Variants in SH3GL2 observed in about 807,000 individuals in gnomAD.
SH3GL2 encodes SH3 domain containing GRB2 like 2, endophilin A1.
SH3GL2 carries 24 observed loss-of-function variants against 46.0 expected under a neutral mutation model. The ratio of observed to expected loss-of-function variants is 0.52; its 90% CI spans 0.38 to 0.73. The LOEUF (loss-of-function observed/expected upper bound fraction) is 0.73. SH3GL2 is among the 30% of genes least tolerant of loss of function. SH3GL2 has a pLI of 0.00. For missense variants in SH3GL2, 413 were observed against 424.2 expected (o/e 0.97, Z 0.23); for synonymous variants, 196 against 147.1 (o/e 1.33, Z -2.40).
Position 17,786,516 on chromosome 9 carries a change from G to T in SH3GL2, c.323G>T (p.Cys108Phe). 2 of 1,613,234 alleles carry T rather than the reference G, an allele frequency of 1.2e-6. No individual in the cohort carries two copies. The highest frequency in any genetic ancestry group is 1.7e-6 in the Non-Finnish European group (2 of 1,179,516). Residue 108 changes from cysteine to phenylalanine, a missense_variant, in exon 4 of 9, where the codon TGC becomes TTC. By Grantham distance (205) the Cys-to-Phe change is radical. This residue lies in a region of SH3GL2 where 160 missense variants were observed against 192.3 expected (regional missense o/e 0.83). Transcript: ENST00000380607. Reference sequence around the variant, plus strand: ...TTTGGAAGAGAGCTTGGAGATGATTGCAACTTTGGTAACAAGTGCTTCCTC... The same window carrying T: ...TTTGGAAGAGAGCTTGGAGATGATTTCAACTTTGGTAACAAGTGCTTCCTC... ...LKFGRELGDD[C>F]NFGPALGEVG...
intron 1 of SH3GL2, among the ~76,000 whole-genome samples, chr9:17,622,481 C>A (rs753491901): frequency 1.1e-4 from 17 of 152,048 alleles, no homozygotes; most frequent in Admixed American, 3.9e-4. Context: ...GGTGTCCAGG[C>A]CACTTGTGAG....
chr9:17,721,442 A>C (rs1373796410), intron 1 of SH3GL2, among the ~76,000 whole-genome samples: 1 of 152,088 alleles, frequency 6.6e-6, no homozygotes, highest in Non-Finnish European at 1.5e-5. Context: ...TACTAATGTA[A>C]GCCTGATTTC....
intron 1 of SH3GL2, among the ~76,000 whole-genome samples, chr9:17,681,496 T>C (rs1307329286): frequency 6.6e-6 from 1 of 152,006 alleles, no homozygotes; most frequent in African/African-American, 2.4e-5. Flanking sequence ...AACATGGGCT[T>C]AATATGCAGA....
intron 1 of SH3GL2, chr9:17,589,159 T>G (rs752425737): frequency 2.6e-5 from 4 of 152,210 alleles, no homozygotes; most frequent in Non-Finnish European, 4.4e-5. Context: ...AAGTCTTTTC[T>G]TAATACATAA....
At chr9:17,775,501 T>A (rs1190893992) in intron 3 of SH3GL2, among the ~76,000 whole-genome samples, 2 of 152,200 alleles carry the variant, frequency 1.3e-5, no homozygotes, top group African/African-American at 4.8e-5. Context: ...CTTCTGAAAT[T>A]ATAGTTATAG....
intron 1 of SH3GL2, chr9:17,590,721 A>C (rs921411721): frequency 6.6e-6 from 1 of 152,230 alleles, no homozygotes; most frequent in Non-Finnish European, 1.5e-5. Context: ...TCTTTACACA[A>C]CTTAAATTGT....
chr9:17,764,507 A>C (rs533172277), intron 3 of SH3GL2, among the ~76,000 whole-genome samples: 1 of 152,218 alleles, frequency 6.6e-6, no homozygotes, highest in African/African-American at 2.4e-5. Flanking sequence ...AGCTGGGCCA[A>C]CCAGTGTGGA....
At chr9:17,579,348 C>T (rs1385074067) in intron 1 of SH3GL2, 61 bp downstream of exon 1, 5 of 1,204,200 alleles carry the variant, frequency 4.2e-6, no homozygotes, top group South Asian at 1.5e-5. Context: ...GGGGCGCGCT[C>T]GGCGCTGGCC....
At chr9:17,755,766 A>G in intron 2 of SH3GL2, 1 of 984,970 alleles carries the variant, frequency 1.0e-6, no homozygotes, top group African/African-American at 1.7e-5. Flanking sequence ...TCCACAAACA[A>G]CGCCACGCTG....
chr9:17,618,256 C>T (rs1327146284), intron 1 of SH3GL2, among the ~76,000 whole-genome samples: 1 of 151,742 alleles, frequency 6.6e-6, no homozygotes, highest in Non-Finnish European at 1.5e-5. Flanking sequence ...TCCTGCAATG[C>T]ACAGGACAAA....
At chr9:17,718,687 G>GC (rs1821820973) in intron 1 of SH3GL2, among the ~76,000 whole-genome samples, 2 of 152,096 alleles carry the variant, frequency 1.3e-5, no homozygotes, top group African/African-American at 4.8e-5. Context: ...TTGTGATCAT[G>GC]CCACTGCACT....
At chr9:17,711,206 C>A (rs1376050347) in intron 1 of SH3GL2, among the ~76,000 whole-genome samples, 1 of 151,874 alleles carries the variant, frequency 6.6e-6, no homozygotes, top group African/African-American at 2.4e-5. Flanking sequence ...CTTTTGTTAC[C>A]ACTACTACCA....
intron 1 of SH3GL2, among the ~76,000 whole-genome samples, chr9:17,665,271 G>A (rs7862689): frequency 0.54 from 82,095 of 151,904 alleles, 23,335 homozygotes; most frequent in African/African-American, 0.7. Flanking sequence ...CTTAAATTTT[G>A]TCAGTTGTCC....
Position 17,758,962 on chromosome 9 carries a change from A to G in SH3GL2, c.115-2475A>G, listed in dbSNP as rs140888715. 8.6e-3 allele frequency among the ~76,000 whole-genome samples: 1,314 copies of G among 152,256 alleles called. 22 individuals carry two copies. The highest frequency in any genetic ancestry group is 0.03 in the African/African-American group (1,256 of 41,544). Reference sequence around the variant, plus strand: ...CCCTGGGGACCAAATGTAATAATCTAATATTGGTATCCCCAGGGTCTCTGG... The same window carrying G: ...CCCTGGGGACCAAATGTAATAATCTGATATTGGTATCCCCAGGGTCTCTGG... On this transcript the variant is annotated intron_variant, in intron 2 of 8. Coordinates refer to ENST00000380607, the MANE Select transcript of SH3GL2 (RefSeq NM_003026.5).
chr9:17,642,898 G>T (rs539790598), intron 1 of SH3GL2, among the ~76,000 whole-genome samples: 1 of 152,252 alleles, frequency 6.6e-6, no homozygotes, highest in South Asian at 2.1e-4. Context: ...CTAATTCTGT[G>T]AAGTAGGATT....
intron 1 of SH3GL2, among the ~76,000 whole-genome samples, chr9:17,737,178 A>T (rs1822361618): frequency 6.6e-6 from 1 of 151,972 alleles, no homozygotes; most frequent in African/African-American, 2.4e-5. Context: ...CAGAGAGGGG[A>T]ACACCACACA....
At chr9:17,738,544 A>ATG (rs869158464) in intron 1 of SH3GL2, among the ~76,000 whole-genome samples, 2 of 77,260 alleles carry the variant, frequency 2.6e-5, no homozygotes, top group Admixed American at 2.5e-4. Context: ...ATATATACAT[A>ATG]AGTGTGTGTG....
chr9:17,615,820 A>G (rs1818980873), intron 1 of SH3GL2, among the ~76,000 whole-genome samples: 1 of 152,048 alleles, frequency 6.6e-6, no homozygotes, highest in Admixed American at 6.6e-5. Context: ...TTTAATGCTA[A>G]CTTTCTAGAA....
chr9:17,723,761 C>G (rs1296216997), intron 1 of SH3GL2, among the ~76,000 whole-genome samples: 3 of 151,960 alleles, frequency 2.0e-5, no homozygotes, highest in African/African-American at 4.8e-5. Context: ...TTTTTTTTCT[C>G]TCTCCCAGAG....
Sources: gnomAD v4.1 joint callset for allele counts (sites outside exome capture counted in the v4.1 genomes callset) on GRCh38, gnomAD v4.1.1 for gene constraint, gnomAD v4.1.1 regional missense constraint, MANE v1.5 for transcripts, NCBI Gene and HGNC (gene_info 2026-07-23, HGNC 2026-07-21) for gene names.